Variants in CACNA1C observed in about 807,000 individuals in gnomAD.
CACNA1C encodes the protein calcium voltage-gated channel subunit alpha1 C.
CACNA1C carries 30 observed loss-of-function variants against 229.0 expected under a neutral mutation model. The ratio of observed to expected loss-of-function variants is 0.13; its 90% CI spans 0.10 to 0.18. The LOEUF (loss-of-function observed/expected upper bound fraction) is 0.18. CACNA1C is among the 10% of genes least tolerant of loss of function. The pLI is 1.00. For missense variants in CACNA1C, 1,658 were observed against 2,845.0 expected (o/e 0.58, Z 9.49); for synonymous variants, 1,114 against 1,132.5 (o/e 0.98, Z 0.33).
rs145546819 is a variant in CACNA1C at position 2,482,836 on chromosome 12, A to G, written c.758-3268A>G. On this transcript the variant is annotated intron_variant, in intron 5 of 46. Coordinates refer to ENST00000399655, the MANE Select transcript of CACNA1C (RefSeq NM_000719.7). ...TTGGTCGTAGTTCCATCCTGTGGTC[A>G]GACAGAACTCATCTAACCCCTCTTC... is the stretch of plus-strand genomic sequence containing the variant. Among the ~76,000 whole-genome samples the G allele has an allele frequency of 8.3e-3, 1,264 of 152,294 alleles. 12 individuals carry two copies. The highest frequency in any genetic ancestry group is 0.029 in the African/African-American group (1,194 of 41,548).
chr12:2,496,676 G>C (rs76364239), intron 7 of CACNA1C, among the ~76,000 whole-genome samples: 6,139 of 152,316 alleles, frequency 0.04, 165 homozygotes, highest in Middle Eastern at 0.075. Context: ...CTTGAACATT[G>C]CTTCAGCTAT....
At chr12:2,368,600 A>G (rs1330786073) in intron 3 of CACNA1C, among the ~76,000 whole-genome samples, 1 of 152,256 alleles carries the variant, frequency 6.6e-6, no homozygotes, top group Non-Finnish European at 1.5e-5. Flanking sequence ...AATTAAATTT[A>G]ACTAAAAGAT....
intron 3 of CACNA1C, among the ~76,000 whole-genome samples, chr12:2,338,923 T>A (rs1227670512): frequency 6.6e-6 from 1 of 152,222 alleles, no homozygotes; most frequent in African/African-American, 2.4e-5. Context: ...TCTGATTATC[T>A]TATTATGAGT....
At chr12:2,217,466 TAAG>T (rs2060265899) in intron 3 of CACNA1C, 1 of 152,260 alleles carries the variant, frequency 6.6e-6, no homozygotes, top group Admixed American at 6.5e-5. Context: ...TTCAGATTAA[TAAG>T]AATCATCTAT....
At chr12:2,046,887 A>C (rs1189780589) in intron 1 of CACNA1C, among the ~76,000 whole-genome samples, 1 of 152,184 alleles carries the variant, frequency 6.6e-6, no homozygotes, top group African/African-American at 2.4e-5. Flanking sequence ...GATGGAAGGG[A>C]GAACTCTGCC....
At chr12:2,648,767 A>G (rs1014392390) in intron 31 of CACNA1C, among the ~76,000 whole-genome samples, 1 of 152,182 alleles carries the variant, frequency 6.6e-6, no homozygotes, top group African/African-American at 2.4e-5. Context: ...CTAACAAGCC[A>G]CTGGGAGAGA....
intron 3 of CACNA1C, among the ~76,000 whole-genome samples, chr12:2,411,871 C>T (rs1362660131): frequency 1.3e-5 from 2 of 152,210 alleles, no homozygotes; most frequent in Non-Finnish European, 2.9e-5. Context: ...TGCTTCCTTT[C>T]ATTTGGGGAG....
intron 3 of CACNA1C, among the ~76,000 whole-genome samples, chr12:2,345,253 C>G (rs910617518): frequency 6.6e-5 from 10 of 151,882 alleles, no homozygotes; most frequent in Non-Finnish European, 1.3e-4. Flanking sequence ...GACATTTGAA[C>G]AGGGAAGGAT....
At chr12:2,656,313 GAAATT>G (rs1361575846) in intron 34 of CACNA1C, among the ~76,000 whole-genome samples, 1 of 152,074 alleles carries the variant, frequency 6.6e-6, no homozygotes, top group Non-Finnish European at 1.5e-5. Flanking sequence ...ATCTGAAAGA[GAAATT>G]AAGAAATCAG....
In CACNA1C at chr12:2,602,007, G is replaced by C. The variant is rs774680538; in HGVS notation, c.2960+47G>C. Reference sequence around the variant, plus strand: ...CACGATGGGCCATGCAGCTAGCAAGGGGTGCCAGAGAGGACAACCAGACCC... The same window carrying C: ...CACGATGGGCCATGCAGCTAGCAAGCGGTGCCAGAGAGGACAACCAGACCC... On this transcript the variant is annotated intron_variant, in intron 22 of 46. Transcript: ENST00000399655. This position sits in a 1 kb window ranked among gnomAD's most constrained non-coding sequence, Gnocchi z 4.4. 11 of 1,296,664 alleles carry C rather than the reference G, an allele frequency of 8.5e-6. No homozygotes were observed. Among genetic ancestry groups the C allele is most frequent in the African/African-American group, 1.5e-5 (1 of 68,648 alleles). 80.3% of individuals were successfully genotyped at this position (1,296,664 alleles called of 1,614,324 possible). A position where few individuals can be genotyped will look rare whatever the true frequency, so the allele number is the denominator to read the frequency against.
intron 1 of CACNA1C, among the ~76,000 whole-genome samples, chr12:2,059,170 G>A (rs1387377560): frequency 6.6e-6 from 1 of 152,150 alleles, no homozygotes; most frequent in Non-Finnish European, 1.5e-5. Context: ...GGGAGCCCAG[G>A]ATGACCCCAC....
intron 1 of CACNA1C, among the ~76,000 whole-genome samples, chr12:2,111,312 C>T (rs557380647): frequency 6.6e-6 from 1 of 152,286 alleles, no homozygotes; most frequent in Non-Finnish European, 1.5e-5. Flanking sequence ...CAGAGCTGCC[C>T]CAGGGCTCTG....
rs139384546 is a variant in CACNA1C at position 2,246,765 on chromosome 12, C to T, written c.477+126335C>T. ...AGGAAGCTTTTCTCCTGGTCCACAC[C>T]GCTGCCTGGGCATGGAGAAACCTGC... is the stretch of plus-strand genomic sequence containing the variant. On this transcript the variant is annotated intron_variant, in intron 3 of 46. Transcript: ENST00000399655. Among the ~76,000 whole-genome samples, 597 of 152,250 alleles carry T rather than the reference C, an allele frequency of 3.9e-3. 1 individual carries two copies. The highest frequency in any genetic ancestry group is 6.8e-3 in the Middle Eastern group (2 of 294).
At position 2,677,620 on chromosome 12, in the gene CACNA1C, G is replaced by A. The variant is rs1368227827; in HGVS notation, c.4957-113G>A. 8.2e-7 allele frequency: 1 copy of A among 1,223,288 alleles called. No homozygotes were observed. The highest frequency in any genetic ancestry group is 1.5e-5 in the African/African-American group (1 of 67,094). 75.8% of individuals were successfully genotyped at this position (1,223,288 alleles called of 1,614,324 possible). A position where few individuals can be genotyped will look rare whatever the true frequency, so the allele number is the denominator to read the frequency against. ...AAACCTTCCGGAGGGTCGACTGGCT[G>A]GGTGGAGGATGCCAGGGCCCTGGAG... On this transcript the variant is annotated intron_variant, in intron 40 of 46. Transcript: ENST00000399655. This position sits in a 1 kb window ranked among gnomAD's most constrained non-coding sequence, Gnocchi z 7.4.
Position 2,550,015 on chromosome 12 carries a change from A to T in CACNA1C, c.1463A>T (p.Asn488Ile). 1 of 1,606,414 alleles carries T rather than the reference A, an allele frequency of 6.2e-7. No homozygotes were observed. The highest frequency in any genetic ancestry group is 8.5e-7 in the Non-Finnish European group (1 of 1,176,456). Residue 488 changes from asparagine to isoleucine, a missense_variant, in exon 10 of 47, where the codon AAC becomes ATC. Asn to Ile is a moderately radical substitution (Grantham distance 149). This residue lies in a region of CACNA1C where 149 missense variants were observed against 194.2 expected (regional missense o/e 0.77). Coordinates refer to ENST00000399655, the MANE Select transcript of CACNA1C (RefSeq NM_000719.7). ...GCTGGAGGTGACATCGAGGGAGAAA[A>T]CTGCGGGGCCAGGCTGGCGTGAGTA... ...NVAGGDIEGE[N>I]CGARLAHRIS...
Position 2,356,508 on chromosome 12 carries a change from G to T in CACNA1C, c.478-92468G>T, listed in dbSNP as rs564512317. 4.2e-4 allele frequency among the ~76,000 whole-genome samples: 64 copies of T among 152,378 alleles called. No individual in the cohort carries two copies. In the South Asian group the frequency reaches 0.013, roughly 31 times the overall value. Reference sequence around the variant, plus strand: ...TATGCCCAGGAAAGGGGGCAGGCAGGCGGCTGGCTCAGGCGCTGCCCTTGG... The same window carrying T: ...TATGCCCAGGAAAGGGGGCAGGCAGTCGGCTGGCTCAGGCGCTGCCCTTGG... On this transcript the variant is annotated intron_variant, in intron 3 of 46. Transcript: ENST00000399655.
At chr12:2,586,993 G>A (rs1480970847) in intron 18 of CACNA1C, among the ~76,000 whole-genome samples, 1 of 152,184 alleles carries the variant, frequency 6.6e-6, no homozygotes, top group Non-Finnish European at 1.5e-5. Context: ...TGCAATGGGA[G>A]GATCTTGCCT....
intron 3 of CACNA1C, among the ~76,000 whole-genome samples, chr12:2,186,782 C>T (rs928298375): frequency 4.6e-5 from 7 of 152,198 alleles, no homozygotes; most frequent in Admixed American, 1.3e-4. Flanking sequence ...TGGGGAAGCT[C>T]TCATTAGCCC....
intron 38 of CACNA1C, 150 bp downstream of exon 38, chr12:2,669,185 A>G: frequency 1.5e-6 from 1 of 656,112 alleles, no homozygotes; most frequent in Non-Finnish European, 2.8e-6. Context: ...GCTCCAGGAC[A>G]TCGCAGGGCC....
Sources: gnomAD v4.1 joint callset for allele counts (sites outside exome capture counted in the v4.1 genomes callset) on GRCh38, gnomAD v4.1.1 for gene constraint, gnomAD v4.1.1 regional missense constraint, Gnocchi (gnomAD v3.1) non-coding constraint, MANE v1.5 for transcripts, NCBI Gene and HGNC (gene_info 2026-07-23, HGNC 2026-07-21) for gene names.